The following RABGGTB variants were observed in gnomAD, a reference collection of about 807,000 sequenced individuals.
The protein encoded by RABGGTB is Rab geranylgeranyltransferase subunit beta, also known as geranylgeranyl transferase type-2 subunit beta.
In RABGGTB, 20 loss-of-function variants were observed where a neutral mutation model predicts 44.5. The ratio of observed to expected loss-of-function variants is 0.45; its 90% CI spans 0.32 to 0.65. RABGGTB has a LOEUF of 0.65. Among genes scored for constraint, RABGGTB ranks in the 30% least tolerant of loss-of-function variants. The pLI is 0.05. For synonymous variants in RABGGTB, 128 were observed against 136.7 expected (o/e 0.94, Z 0.44); for missense variants, 302 against 398.7 (o/e 0.76, Z 2.06).
In RABGGTB at chr1:75,791,546, C is replaced by T. The variant is rs992639778; in HGVS notation, c.554C>T (p.Pro185Leu). 6.2e-7 allele frequency: 1 copy of T among 1,611,996 alleles called. No individual in the cohort carries two copies. Among genetic ancestry groups the T allele is most frequent in the Non-Finnish European group, 8.5e-7 (1 of 1,179,710 alleles). ...TTTGACGGTGGATTTGGTTGCAGAC[C>T]AGGTTCTGAATCCCATGCTGGGCAG... ...MNFDGGFGCR[P>L]GSESHAGQIY... Residue 185 changes from proline to leucine, a missense_variant, in exon 6 of 9, where the codon CCA (proline) becomes CTA (leucine). Coordinates refer to ENST00000319942, the MANE Select transcript of RABGGTB (RefSeq NM_004582.4).
At chr1:75,789,013 G>T (rs543195556) in intron 2 of RABGGTB, 146 bp from the exon 3 acceptor site, 35 of 664,408 alleles carry the variant, frequency 5.3e-5, no homozygotes, top group Non-Finnish European at 8.5e-5. Context: ...GAGCAGCACA[G>T]ATTTTAAACT....
intron 8 of RABGGTB, 89 bp downstream of exon 8, chr1:75,794,322 G>A: frequency 1.4e-6 from 2 of 1,456,642 alleles, no homozygotes; most frequent in Non-Finnish European, 1.8e-6. Context: ...GGCATTCCGA[G>A]TGTTGCTTTG....
chr1:75,787,461 G>A, intron 1 of RABGGTB, 36 bp from the exon 2 acceptor site: 1 of 1,475,392 alleles, frequency 6.8e-7, no homozygotes, highest in Non-Finnish European at 9.5e-7. Flanking sequence ...CGTTGTAGAG[G>A]TAAACATTGA....
At position 75,791,443 on chromosome 1, in the gene RABGGTB, CT is replaced by C. The variant is rs201713912; in HGVS notation, c.469-9del. 450 of 1,534,958 alleles carry C rather than the reference CT, an allele frequency of 2.9e-4. No homozygotes were observed. The highest frequency in any genetic ancestry group is 1.0e-3 in the Middle Eastern group (6 of 5,730). ...GAATACTCTGGAATTTAACAGGCAT[CT>C]TTTTTTTTGTTTGTAGGGGAAGCTT... On this transcript the variant is annotated splice_polypyrimidine_tract_variant and intron_variant, in intron 5 of 8. Transcript: ENST00000319942.
At chr1:75,786,858 C>G (rs1649501648) in intron 1 of RABGGTB, 1 of 326,942 alleles carries the variant, frequency 3.1e-6, no homozygotes, top group Middle Eastern at 1.1e-3. Flanking sequence ...TTTTGGGGTA[C>G]TTAGAAGGTG....
At chr1:75,791,242 G>A (rs763630044) in intron 4 of RABGGTB, 43 bp from the exon 5 acceptor site, 1 of 1,521,268 alleles carries the variant, frequency 6.6e-7, no homozygotes, top group Middle Eastern at 1.7e-4. Flanking sequence ...ACTCATGTAT[G>A]ATTTGGTAAC....
intron 4 of RABGGTB, chr1:75,790,357 A>T (rs905427034): frequency 1.0e-4 from 23 of 227,768 alleles, no homozygotes; most frequent in Non-Finnish European, 1.3e-4. Context: ...AAAATATTTA[A>T]AAAAAAAAAC....
Position 75,794,136 on chromosome 1 carries a change from G to T in RABGGTB, c.758G>T (p.Gly253Val). The change falls in exon 8 of 9, where the codon GGA becomes GTA. Residue 253 changes from glycine to valine, a missense_variant. Physicochemically the swap from Gly to Val is moderately radical, Grantham distance 109. Around this residue, in one of 2 missense-constraint regions of RABGGTB, gnomAD observed 213 missense variants for 323.7 expected, o/e 0.66. Transcript: ENST00000319942. ...GTCCTGGCTTCCCTAAAGATAATTG[G>T]AAGACTTCATTGGATTGATAGAGAG... Reference protein sequence around the residue: ...WWVLASLKIIGRLHWIDREKL... With the variant: ...WWVLASLKIIVRLHWIDREKL... 1 of 1,613,794 alleles carries T rather than the reference G, an allele frequency of 6.2e-7. No individual in the cohort carries two copies. The highest frequency in any genetic ancestry group is 2.2e-5 in the East Asian group (1 of 44,870).
At position 75,789,335 on chromosome 1, in the gene RABGGTB, A is replaced by G. The variant is rs1488735752; in HGVS notation, c.288A>G (p.Leu96=). The G allele has an allele frequency of 4.3e-6, 7 of 1,614,044 alleles. No individual in the cohort carries two copies. Among genetic ancestry groups the G allele is most frequent in the South Asian group, 1.1e-5 (1 of 91,082 alleles). Residue 96 remains leucine, a synonymous_variant, in exon 3 of 9, where the codon TTA becomes TTG. Transcript: ENST00000319942. ...SASIGHDPHL[L]YTLSAVQILT... ...GTATCGGACATGATCCTCATCTTTT[A>G]TACACTCTTAGTGCTGTCCAGGTAA...
intron 7 of RABGGTB, chr1:75,793,834 C>T (rs1303909707): frequency 2.6e-6 from 1 of 391,510 alleles, no homozygotes; most frequent in Non-Finnish European, 4.5e-6. Flanking sequence ...TCAGTGAGTA[C>T]TGAGATATTT....
chr1:75,791,359 GA>G (rs771566638), intron 5 of RABGGTB, 22 bp downstream of exon 5: 1 of 1,600,758 alleles, frequency 6.2e-7, no homozygotes, highest in African/African-American at 1.3e-5. Context: ...ATATTTGATT[GA>G]AATGATTAAA....
At chr1:75,793,847 C>G (rs1410452455) in intron 7 of RABGGTB, 7 of 407,362 alleles carry the variant, frequency 1.7e-5, no homozygotes, top group African/African-American at 2.0e-5. Flanking sequence ...AGATATTTAG[C>G]ATGGTTACCT....
chr1:75,789,339 ACT>A lies in RABGGTB; in HGVS notation c.295_296del (p.Leu99Ter), dbSNP rs1557480414. 6.2e-7 allele frequency: 1 copy of A among 1,613,764 alleles called. No individual in the cohort carries two copies. The highest frequency in any genetic ancestry group is 2.2e-5 in the East Asian group (1 of 44,840). Reference protein sequence around the residue: ...SIGHDPHLLYTLSAVQILTLY... With the variant: ...SIGHDPHLLYXLSAVQILTLY... ...CGGACATGATCCTCATCTTTTATAC[ACT>A]CTTAGTGCTGTCCAGGTAAATACTA... On this transcript the variant is annotated frameshift_variant, in exon 3 of 9. Transcript: ENST00000319942. LOFTEE classifies it high-confidence loss of function.
chr1:75,789,702 A>G (rs1649599422), intron 3 of RABGGTB: 6 of 572,610 alleles, frequency 1.0e-5, no homozygotes, highest in Non-Finnish European at 1.9e-5. Flanking sequence ...CTTTGTGTGG[A>G]TGTGAGTTAG....
At position 75,794,795 on chromosome 1, in the gene RABGGTB, A is replaced by G; in HGVS notation, c.*145A>G. 3.8e-6 allele frequency: 2 copies of G among 528,958 alleles called. No homozygotes were observed. The highest frequency in any genetic ancestry group is 2.7e-6 in the Non-Finnish European group (1 of 373,406). 32.8% of individuals were successfully genotyped at this position (528,958 alleles called of 1,614,324 possible). A position where few individuals can be genotyped will look rare whatever the true frequency, so the allele number is the denominator to read the frequency against. ...TTTAATAAATTATATAATTATACAT[A>G]TTGTAAAATAAAGACCGGTATTTTA... On this transcript the variant is annotated 3_prime_UTR_variant, in exon 9 of 9. Coordinates refer to ENST00000319942, the MANE Select transcript of RABGGTB (RefSeq NM_004582.4).
chr1:75,790,663 C>A, intron 4 of RABGGTB: 1 of 238,526 alleles, frequency 4.2e-6, no homozygotes, highest in Non-Finnish European at 6.8e-6. Flanking sequence ...TTGGCTCTGT[C>A]CAGGTTGGAG....
rs1649663414 is a variant in RABGGTB, at chr1:75,792,239, A to G, written c.638A>G (p.Asp213Gly). The G allele has an allele frequency of 8.1e-6, 13 of 1,614,016 alleles. No individual in the cohort carries two copies. Among genetic ancestry groups the G allele is most frequent in the Non-Finnish European group, 1.1e-5 (13 of 1,179,952 alleles). ...ITSQLHQVNS[D>G]LLGWWLCERQ... Reference sequence around the variant, plus strand: ...AGTCAGTTGCATCAAGTAAATTCTGATTTACTTGGCTGGTGGCTTTGTGAA... The same window carrying G: ...AGTCAGTTGCATCAAGTAAATTCTGGTTTACTTGGCTGGTGGCTTTGTGAA... The change falls in exon 7 of 9, where the codon GAT (aspartate) becomes GGT (glycine). Residue 213 changes from aspartate (D) to glycine (G), a missense_variant. Asp to Gly is a moderately conservative substitution (Grantham distance 94). Around this residue, in one of 2 missense-constraint regions of RABGGTB, gnomAD observed 213 missense variants for 323.7 expected, o/e 0.66. Coordinates refer to ENST00000319942, the MANE Select transcript of RABGGTB (RefSeq NM_004582.4).
At chr1:75,791,009 C>CA (rs1296439645) in intron 4 of RABGGTB, among the ~76,000 whole-genome samples, 1 of 152,138 alleles carries the variant, frequency 6.6e-6, no homozygotes, top group African/African-American at 2.4e-5. Context: ...CGGCTAGTCT[C>CA]AAACTCCTAG....
intron 4 of RABGGTB, chr1:75,790,336 C>A: frequency 1.6e-6 from 2 of 1,212,244 alleles, no homozygotes; most frequent in Non-Finnish European, 2.0e-6. Context: ...AAACTACTTG[C>A]TGGAAAGGGA....
Sources: gnomAD v4.1 joint callset for allele counts (sites outside exome capture counted in the v4.1 genomes callset) on GRCh38, gnomAD v4.1.1 for gene constraint, gnomAD v4.1.1 regional missense constraint, MANE v1.5 for transcripts, NCBI Gene and HGNC (gene_info 2026-07-23, HGNC 2026-07-21) for gene names.